The following KIF6 variants were observed in gnomAD, a reference collection of about 807,000 sequenced individuals.
The protein encoded by KIF6 is kinesin-like protein KIF6.
A neutral mutation model predicts 112.7 loss-of-function variants in KIF6; 106 were observed. The observed-to-expected ratio is 0.94, with a 90% CI of 0.80 to 1.11. The LOEUF (loss-of-function observed/expected upper bound fraction) is 1.11. Among genes scored for constraint, KIF6 ranks in the 50% least tolerant of loss-of-function variants. KIF6 has a pLI of 0.00. For synonymous variants in KIF6, 339 were observed against 339.9 expected (o/e 1.00, Z 0.03); for missense variants, 929 against 964.0 (o/e 0.96, Z 0.48).
At chr6:39,420,086 C>A in intron 14 of KIF6, 83 bp from the exon 15 acceptor site, 17 of 901,858 alleles carry the variant, frequency 1.9e-5, no homozygotes, top group East Asian at 1.0e-4. Flanking sequence ...TTAGAGGTCA[C>A]TAAAATATGA....
intron 13 of KIF6, among the ~76,000 whole-genome samples, chr6:39,507,341 T>C (rs1198166005): frequency 6.6e-6 from 1 of 152,154 alleles, no homozygotes; most frequent in East Asian, 1.9e-4. Flanking sequence ...AAGTGTTGTA[T>C]GAGTACAGAA....
chr6:39,428,830 C>T (rs192489840), intron 14 of KIF6, among the ~76,000 whole-genome samples: 4 of 152,336 alleles, frequency 2.6e-5, no homozygotes, highest in African/African-American at 7.2e-5. Flanking sequence ...ATGACTCCCA[C>T]CTGCTGCGTC....
At chr6:39,345,649 C>T in intron 21 of KIF6, 51 bp downstream of exon 21, 4 of 1,485,790 alleles carry the variant, frequency 2.7e-6, no homozygotes, top group South Asian at 1.2e-5. Flanking sequence ...TGGAGGCCCA[C>T]TCCGCCCACT....
chr6:39,433,878 T>C (rs2150385441), intron 13 of KIF6, among the ~76,000 whole-genome samples: 1 of 152,204 alleles, frequency 6.6e-6, no homozygotes. Flanking sequence ...ATCCCCATTC[T>C]GCTTGTTCAG....
intron 16 of KIF6, among the ~76,000 whole-genome samples, chr6:39,367,885 TG>T (rs1260235013): frequency 6.6e-6 from 1 of 152,120 alleles, no homozygotes; most frequent in African/African-American, 2.4e-5. Flanking sequence ...TTAAGGAGCT[TG>T]TAAAAGCACA....
chr6:39,697,992 A>C (rs1788655384), intron 3 of KIF6, among the ~76,000 whole-genome samples: 1 of 152,170 alleles, frequency 6.6e-6, no homozygotes, highest in Admixed American at 6.5e-5. Flanking sequence ...ATATAATATT[A>C]CTCATATAAT....
At chr6:39,632,750 G>A (rs1784426190) in intron 5 of KIF6, among the ~76,000 whole-genome samples, 1 of 151,804 alleles carries the variant, frequency 6.6e-6, no homozygotes, top group African/African-American at 2.4e-5. Flanking sequence ...TCAGCCTCCC[G>A]AGTAGCTAGG....
chr6:39,434,769 G>A (rs1389759876), intron 13 of KIF6, among the ~76,000 whole-genome samples: 2 of 152,060 alleles, frequency 1.3e-5, no homozygotes, highest in African/African-American at 4.8e-5. Context: ...TCATCTAGAA[G>A]GATCTGAAGG....
chr6:39,401,446 C>T (rs774386347), intron 15 of KIF6, among the ~76,000 whole-genome samples: 1 of 152,134 alleles, frequency 6.6e-6, no homozygotes, highest in Non-Finnish European at 1.5e-5. Flanking sequence ...GGGAAGGCAG[C>T]CAATCTAGGG....
At chr6:39,629,124 G>T (rs982770182) in intron 5 of KIF6, among the ~76,000 whole-genome samples, 1 of 152,072 alleles carries the variant, frequency 6.6e-6, no homozygotes, top group Non-Finnish European at 1.5e-5. Flanking sequence ...GAATAAGACT[G>T]CTATATGTAT....
At chr6:39,471,479 C>G (rs530870905) in intron 13 of KIF6, among the ~76,000 whole-genome samples, 1 of 152,310 alleles carries the variant, frequency 6.6e-6, no homozygotes, top group East Asian at 1.9e-4. Context: ...CGACACTCTA[C>G]GTCTTGGATT....
chr6:39,598,484 T>C (rs1382730819), intron 6 of KIF6, among the ~76,000 whole-genome samples: 1 of 152,166 alleles, frequency 6.6e-6, no homozygotes, highest in African/African-American at 2.4e-5. Context: ...TCTGATAATA[T>C]GTGGCGAAGT....
chr6:39,341,720 CCTGCCTTTCTCATTTCAGTAAATGGCA>C lies in KIF6; in HGVS notation c.2428+1962_2428+1988del, dbSNP rs1027994786. Reference sequence around the variant, plus strand: ...TCCTTGCCTCTGATGGTCATGCCTCCCTGCCTTTCTCATTTCAGTAAATGGCACTGCCATTCTCTTCGCTGCTCAGAT... The same window carrying C: ...TCCTTGCCTCTGATGGTCATGCCTCCCTGCCATTCTCTTCGCTGCTCAGAT... On this transcript the variant is annotated intron_variant, in intron 22 of 22. Transcript: ENST00000287152. Among the ~76,000 whole-genome samples the C allele has an allele frequency of 2.4e-3, 367 of 152,282 alleles. 6 individuals carry two copies. The highest frequency in any genetic ancestry group is 4.6e-4 in the Non-Finnish European group (31 of 68,034).
At chr6:39,443,617 T>C (rs960393319) in intron 13 of KIF6, among the ~76,000 whole-genome samples, 5 of 152,074 alleles carry the variant, frequency 3.3e-5, no homozygotes, top group Non-Finnish European at 5.9e-5. Context: ...TTAATTTTTG[T>C]ATAACTAGTA....
At chr6:39,677,507 T>TTTTA (rs70984138) in intron 3 of KIF6, among the ~76,000 whole-genome samples, 63,218 of 145,866 alleles carry the variant, frequency 0.43, 13,828 homozygotes, top group East Asian at 0.53. Flanking sequence ...CTTCAGACAA[T>TTTTA]TTTATTTATT....
chr6:39,617,169 G>T (rs2150728357), intron 5 of KIF6, among the ~76,000 whole-genome samples: 1 of 152,218 alleles, frequency 6.6e-6, no homozygotes, highest in South Asian at 2.1e-4. Context: ...CCTTAACTTG[G>T]ATACCTAAGT....
chr6:39,462,032 A>T (rs200981190), intron 13 of KIF6, among the ~76,000 whole-genome samples: 2 of 152,212 alleles, frequency 1.3e-5, no homozygotes, highest in East Asian at 1.9e-4. Flanking sequence ...CACTAGCCAC[A>T]TTCCAAGTAT....
chr6:39,382,517 G>A (rs985588376), intron 16 of KIF6, among the ~76,000 whole-genome samples: 1 of 151,956 alleles, frequency 6.6e-6, no homozygotes, highest in Admixed American at 6.6e-5. Flanking sequence ...TTTTATGGCC[G>A]TGTAGTGTTC....
chr6:39,636,367 G>T (rs1240600128), intron 4 of KIF6, among the ~76,000 whole-genome samples: 1 of 151,930 alleles, frequency 6.6e-6, no homozygotes, highest in East Asian at 1.9e-4. Context: ...TTCTGTGAAG[G>T]TGACATGGAC....
Sources: allele counts gnomAD v4.1 joint callset (sites outside exome capture counted in the v4.1 genomes callset), GRCh38; gene constraint gnomAD v4.1.1; transcripts MANE v1.5; gene names NCBI Gene and HGNC (gene_info 2026-07-23, HGNC 2026-07-21).